Variants in PDLIM7 observed in about 807,000 individuals in gnomAD.
The protein encoded by PDLIM7 is PDZ and LIM domain 7.
Under a neutral mutation model 53.9 loss-of-function variants are expected in PDLIM7, and 37 were observed. The ratio of observed to expected loss-of-function variants is 0.69; its 90% CI spans 0.53 to 0.90. PDLIM7 has a LOEUF of 0.90. Ranked by LOEUF, PDLIM7 falls within the 40% of genes least tolerant of loss-of-function variation. PDLIM7 has a pLI of 0.00. For synonymous variants in PDLIM7, 300 were observed against 261.3 expected, an observed-to-expected ratio of 1.15 and a Z score of -1.43; for missense variants, 617 against 638.5, an observed-to-expected ratio of 0.97 and a Z score of 0.36.
Position 177,492,186 on chromosome 5 carries a change from G to C in PDLIM7, c.279+219C>G, listed in dbSNP as rs565594210. ...CAGCGCCGGCGGCGGGAGGCAGCAG[G>C]CGGACAGACAGGCGGACAGACAGGC... On this transcript the variant is annotated intron_variant, in intron 4 of 12. Transcript: ENST00000355841. 1.7e-4 allele frequency: 109 copies of C among 640,168 alleles called. 1 individual carries two copies. In the South Asian group the frequency reaches 2.1e-3, roughly 12 times the overall value. 39.7% of individuals were successfully genotyped at this position (640,168 alleles called of 1,614,324 possible). A position where few individuals can be genotyped will look rare whatever the true frequency, so the allele number is the denominator to read the frequency against.
chr5:177,487,437 G>A (rs1313100231), intron 10 of PDLIM7, among the ~76,000 whole-genome samples: 6 of 152,348 alleles, frequency 3.9e-5, no homozygotes, highest in East Asian at 1.9e-4. Context: ...TTCTCCTTCC[G>A]ACTTCCTGCT....
intron 10 of PDLIM7, among the ~76,000 whole-genome samples, chr5:177,485,781 T>G (rs1008479841): frequency 6.6e-6 from 1 of 152,084 alleles, no homozygotes; most frequent in African/African-American, 2.4e-5. Context: ...GGCCAGGAGT[T>G]CGAGACCAGC....
intron 5 of PDLIM7, chr5:177,491,370 G>A (rs1417098608): frequency 1.9e-6 from 3 of 1,551,948 alleles, no homozygotes; most frequent in African/African-American, 2.7e-5. Context: ...CCAAAAGGAA[G>A]AAGAAAGGCA....
chr5:177,493,216 G>C (rs532907149), intron 2 of PDLIM7, among the ~76,000 whole-genome samples: 3 of 152,324 alleles, frequency 2.0e-5, no homozygotes, highest in South Asian at 4.1e-4. Context: ...ATAGGGGTCT[G>C]CTGGGACCCT....
At chr5:177,494,773 A>G (rs1314795168) in intron 2 of PDLIM7, among the ~76,000 whole-genome samples, 1 of 152,034 alleles carries the variant, frequency 6.6e-6, no homozygotes, top group Non-Finnish European at 1.5e-5. Context: ...ACCCTGCATG[A>G]GGTGGGGGTG....
intron 2 of PDLIM7, among the ~76,000 whole-genome samples, chr5:177,493,952 C>T (rs562168965): frequency 6.6e-6 from 1 of 152,236 alleles, no homozygotes; most frequent in South Asian, 2.1e-4. Context: ...GGCAGGGCAG[C>T]CAGGCACAGA....
chr5:177,492,459 A>G (rs915437486), intron 3 of PDLIM7, 24 bp from the exon 4 acceptor site: 13 of 1,613,608 alleles, frequency 8.1e-6, no homozygotes, highest in Non-Finnish European at 1.1e-5. Context: ...AAAGCGTGAC[A>G]GCGGGCCGGG....
chr5:177,490,394 G>C (rs371419895), intron 7 of PDLIM7: 10 of 1,484,026 alleles, frequency 6.7e-6, no homozygotes, highest in African/African-American at 2.8e-5. Flanking sequence ...GGGCACGAAA[G>C]GGGGGGTGAG....
chr5:177,492,343 A>G, intron 4 of PDLIM7, 62 bp downstream of exon 4: 1 of 1,587,152 alleles, frequency 6.3e-7, no homozygotes, highest in Non-Finnish European at 8.6e-7. Context: ...CAGGAGGGCG[A>G]GCAGGCCTGG....
At chr5:177,491,569 C>T (rs1758784774) in intron 5 of PDLIM7, 2 of 734,998 alleles carry the variant, frequency 2.7e-6, no homozygotes, top group Non-Finnish European at 4.8e-6. Context: ...AACCCAACCC[C>T]CAGCCGCCAG....
In PDLIM7 at chr5:177,496,431, G is replaced by A; in HGVS notation, c.82C>T (p.Leu28Phe). The change falls in exon 2 of 13, where the codon CTC becomes TTC. Residue 28 changes from leucine (L) to phenylalanine (F), a missense_variant. Physicochemically the swap from Leu to Phe is conservative, Grantham distance 22 (BLOSUM62 0). Coordinates refer to ENST00000355841, the MANE Select transcript of PDLIM7 (RefSeq NM_005451.5). ...CCTAGGCTCACCCGGGAAATGGAGA[G>A]GGGCACATTGAAGTCCTTGCCCCCT... ...LQGGKDFNVP[L>F]SISRLTPGGK... 1.3e-6 allele frequency: 2 copies of A among 1,597,472 alleles called. No homozygotes were observed. Among genetic ancestry groups the A allele is most frequent in the Admixed American group, 1.7e-5 (1 of 58,094 alleles).
chr5:177,495,884 C>T (rs775658338), intron 2 of PDLIM7, among the ~76,000 whole-genome samples: 14 of 151,938 alleles, frequency 9.2e-5, no homozygotes, highest in Non-Finnish European at 2.9e-5. Context: ...GGAGAGACCC[C>T]TTCTACCCAC....
intron 2 of PDLIM7, 25 bp from the exon 3 acceptor site, chr5:177,492,702 C>CGAGG: frequency 1.3e-6 from 2 of 1,594,556 alleles, no homozygotes; most frequent in Non-Finnish European, 1.7e-6. Context: ...GCAAAGTGAC[C>CGAGG]GAGGCCCTGG....
At chr5:177,496,681 G>T in intron 1 of PDLIM7, 158 bp from the exon 2 acceptor site, 1 of 462,010 alleles carries the variant, frequency 2.2e-6, no homozygotes, top group Non-Finnish European at 3.8e-6. Flanking sequence ...TGTCAGGCTG[G>T]CCTGGGCTGC....
At chr5:177,486,636 C>CT (rs1758456942) in intron 10 of PDLIM7, among the ~76,000 whole-genome samples, 1 of 152,068 alleles carries the variant, frequency 6.6e-6, no homozygotes, top group South Asian at 2.1e-4. Context: ...AGGCAGATTT[C>CT]TCTTTCTTTT....
chr5:177,494,069 T>C (rs922502814), intron 2 of PDLIM7, among the ~76,000 whole-genome samples: 1 of 152,222 alleles, frequency 6.6e-6, no homozygotes, highest in East Asian at 1.9e-4. Flanking sequence ...CCTCACTCGC[T>C]AGATAAGAAG....
chr5:177,492,070 G>A, intron 4 of PDLIM7, 145 bp from the exon 5 acceptor site: 1 of 464,858 alleles, frequency 2.2e-6, no homozygotes, highest in Non-Finnish European at 3.7e-6. Flanking sequence ...AGGCTACGGG[G>A]AGAGGACGAC....
Position 177,483,534 on chromosome 5 carries a change from C to A in PDLIM7, c.*110G>T. 3 of 773,404 alleles carry A rather than the reference C, an allele frequency of 3.9e-6. No individual in the cohort carries two copies. The highest frequency in any genetic ancestry group is 6.3e-6 in the Non-Finnish European group (3 of 475,046). 47.9% of individuals were successfully genotyped at this position (773,404 alleles called of 1,614,324 possible). ...GGGCCCAGGGAGCCCCAGGCTCGGG[C>A]CAGGAGCCAGGGTTAAGGCAACCAT... On this transcript the variant is annotated 3_prime_UTR_variant, in exon 13 of 13. Coordinates refer to ENST00000355841, the MANE Select transcript of PDLIM7 (RefSeq NM_005451.5).
At position 177,490,873 on chromosome 5, in the gene PDLIM7, G is replaced by C; in HGVS notation, c.569C>G (p.Ser190Ter). The C allele has an allele frequency of 6.2e-7, 1 of 1,614,086 alleles. No individual in the cohort carries two copies. The highest frequency in any genetic ancestry group is 8.5e-7 in the Non-Finnish European group (1 of 1,179,982). Residue 190 changes from serine (S) to a stop codon, truncating the protein, a stop_gained, in exon 7 of 13, where the codon TCA becomes TGA. Transcript: ENST00000355841. LOFTEE classifies it high-confidence loss of function. ...QDPDEEHLKK[S>*]SQVPRTEAPA... The stretch of plus-strand genomic sequence containing the variant: ...GGGCTGGTGCCCGTCCCTGTACCTT[G>C]ATTTCTTCAGGTGCTCCTCATCCGG...
Sources: gnomAD v4.1 joint callset for allele counts (sites outside exome capture counted in the v4.1 genomes callset) on GRCh38, gnomAD v4.1.1 for gene constraint, MANE v1.5 for transcripts, NCBI Gene and HGNC (gene_info 2026-07-23, HGNC 2026-07-21) for gene names.